Variants in SCMH1 observed in about 807,000 individuals in gnomAD.
SCMH1 encodes the protein polycomb protein SCMH1.
In SCMH1, 37 loss-of-function variants were observed where a neutral mutation model predicts 70.8. The observed-to-expected ratio is 0.52, with a 90% CI of 0.40 to 0.69. The LOEUF (loss-of-function observed/expected upper bound fraction) is 0.69, where lower values mean the gene tolerates loss of function less well. Ranked by LOEUF, SCMH1 falls within the 30% of genes least tolerant of loss-of-function variation. The pLI, the probability that SCMH1 is intolerant of heterozygous loss-of-function variation, is 0.00. For missense variants in SCMH1, 607 were observed against 827.3 expected, an observed-to-expected ratio of 0.73 and a Z score of 3.27; for synonymous variants, 292 against 307.4, an observed-to-expected ratio of 0.95 and a Z score of 0.52.
chr1:41,117,238 T>A (rs1014780167), intron 6 of SCMH1, among the ~76,000 whole-genome samples: 1 of 152,074 alleles, frequency 6.6e-6, no homozygotes, highest in Admixed American at 6.6e-5. Flanking sequence ...ATTCCAATAT[T>A]ATAATAATCC....
At chr1:41,070,763 T>C (rs749339740) in intron 9 of SCMH1, 42 bp from the exon 10 acceptor site, 23 of 1,609,666 alleles carry the variant, frequency 1.4e-5, no homozygotes, top group South Asian at 2.2e-5. Flanking sequence ...CCATGACAGG[T>C]CTTTTCATTC....
chr1:41,028,321 TG>T lies in SCMH1; in HGVS notation c.1822-3del, dbSNP rs1336743010. 7.2e-6 allele frequency: 8 copies of T among 1,118,100 alleles called. No homozygotes were observed. In the African/African-American group the frequency reaches 1.3e-4, roughly 18 times the overall value. The allele number at this position is 1,118,100 out of a possible 1,614,324, so 69.3% of individuals were successfully genotyped here. On this transcript the variant is annotated splice_polypyrimidine_tract_variant and splice_region_variant and intron_variant, in intron 14 of 14. Coordinates refer to ENST00000337495, the Ensembl canonical transcript of SCMH1. ...CAGCAGGGCCTTGCCATCGATCTCC[TG>T]GGGGGTGGGGAGGTGGGCAGAAGTG...
chr1:41,199,478 T>C (rs1170649957), intron 1 of SCMH1, among the ~76,000 whole-genome samples: 1 of 152,236 alleles, frequency 6.6e-6, no homozygotes, highest in African/African-American at 2.4e-5. Flanking sequence ...GGTAGGTGTT[T>C]TTATTACTTA....
At chr1:41,218,713 AT>A (rs1176497246) in intron 1 of SCMH1, among the ~76,000 whole-genome samples, 1 of 152,246 alleles carries the variant, frequency 6.6e-6, no homozygotes, top group African/African-American at 2.4e-5. Context: ...CAGGCATGGT[AT>A]TAAGTGCTTT....
chr1:41,098,141 A>G (rs1387401084), intron 8 of SCMH1, among the ~76,000 whole-genome samples: 1 of 152,170 alleles, frequency 6.6e-6, no homozygotes, highest in Admixed American at 6.5e-5. Flanking sequence ...TATATATTAT[A>G]TATTTCTGGG....
intron 1 of SCMH1, among the ~76,000 whole-genome samples, chr1:41,193,945 A>G (rs934403021): frequency 4.6e-5 from 7 of 152,198 alleles, no homozygotes; most frequent in Admixed American, 4.6e-4. Context: ...ATTATTTCCA[A>G]TGTTCATACA....
intron 1 of SCMH1, among the ~76,000 whole-genome samples, chr1:41,208,441 A>T (rs968391722): frequency 3.7e-5 from 5 of 135,002 alleles, no homozygotes; most frequent in African/African-American, 1.2e-4. Context: ...AAATTAAAAA[A>T]AAAAAATAAA....
chr1:41,236,803 A>C (rs970384487), intron 1 of SCMH1, among the ~76,000 whole-genome samples: 2 of 152,248 alleles, frequency 1.3e-5, no homozygotes, highest in Non-Finnish European at 2.9e-5. Context: ...AATAATGACA[A>C]GAAAAAAGTC....
At chr1:41,086,888 CA>C (rs369382154) in intron 8 of SCMH1, among the ~76,000 whole-genome samples, 90 of 126,760 alleles carry the variant, frequency 7.1e-4, no homozygotes, top group Middle Eastern at 4.1e-3. Flanking sequence ...AAAACAAAAC[CA>C]AAAAAAAAAA....
intron 2 of SCMH1, among the ~76,000 whole-genome samples, chr1:41,177,044 TC>T (rs1236375617): frequency 1.3e-5 from 2 of 152,100 alleles, no homozygotes; most frequent in Non-Finnish European, 2.9e-5. Flanking sequence ...AGACAAAACT[TC>T]CAGAGGAACG....
intron 8 of SCMH1, among the ~76,000 whole-genome samples, chr1:41,100,912 T>C (rs1414221215): frequency 6.6e-6 from 1 of 152,072 alleles, no homozygotes; most frequent in East Asian, 1.9e-4. Flanking sequence ...CATTTCACAC[T>C]AATGAGGCTG....
intron 4 of SCMH1, among the ~76,000 whole-genome samples, chr1:41,152,187 G>A (rs1645128929): frequency 6.6e-6 from 1 of 152,076 alleles, no homozygotes; most frequent in Non-Finnish European, 1.5e-5. Context: ...TGAGGGGAGG[G>A]GAAGCCAGAT....
At chr1:41,217,197 C>T (rs971566906) in intron 1 of SCMH1, among the ~76,000 whole-genome samples, 2 of 152,100 alleles carry the variant, frequency 1.3e-5, no homozygotes, top group Non-Finnish European at 2.9e-5. Context: ...TTATTGGACA[C>T]CTGGGGAAAG....
At chr1:41,159,576 T>C (rs1557695361) in intron 4 of SCMH1, 4 of 872,442 alleles carry the variant, frequency 4.6e-6, no homozygotes, top group Middle Eastern at 5.6e-4. Flanking sequence ...AACTGGTAAG[T>C]GGGAATAGGA....
intron 4 of SCMH1, among the ~76,000 whole-genome samples, chr1:41,154,583 G>A (rs898753573): frequency 7.9e-5 from 12 of 152,146 alleles, no homozygotes; most frequent in Non-Finnish European, 1.8e-4. Context: ...TCAGTCTAGA[G>A]ATAAACAGAG....
chr1:41,130,049 T>G (rs531282975), intron 6 of SCMH1, among the ~76,000 whole-genome samples: 1 of 152,316 alleles, frequency 6.6e-6, no homozygotes, highest in Non-Finnish European at 1.5e-5. Flanking sequence ...GTCATCTCAA[T>G]GCAGTTTTAA....
At chr1:41,185,308 C>T (rs1040857407) in intron 2 of SCMH1, among the ~76,000 whole-genome samples, 5 of 152,172 alleles carry the variant, frequency 3.3e-5, no homozygotes, top group African/African-American at 1.2e-4. Flanking sequence ...GTTATAACCT[C>T]CCTAGTAGCT....
rs369637138 is a variant in SCMH1 at position 41,028,720 on chromosome 1, T to C, written c.1685A>G (p.Asp562Gly). The change falls in exon 14 of 15, where the codon GAC becomes GGC. Residue 562 changes from aspartate (D) to glycine (G), a missense_variant. This residue lies in a region of SCMH1 where 430 missense variants were observed against 528.2 expected (regional missense o/e 0.81). Transcript: ENST00000337495. ...GGCATCGCGGCTCTCCAGGTATCGG[T>C]CCGACCCTGCAGGACAGGAGGGCAC... 39 of 1,613,778 alleles carry C rather than the reference T, an allele frequency of 2.4e-5. No homozygotes were observed. The highest frequency in any genetic ancestry group is 2.1e-4 in the African/African-American group (16 of 74,876).
intron 1 of SCMH1, among the ~76,000 whole-genome samples, chr1:41,238,513 C>T (rs1338472690): frequency 6.6e-6 from 1 of 152,118 alleles, no homozygotes; most frequent in Non-Finnish European, 1.5e-5. Flanking sequence ...CTCTCTACCC[C>T]ACCTCCTCAT....
Sources: allele counts gnomAD v4.1 joint callset (sites outside exome capture counted in the v4.1 genomes callset), GRCh38; gene constraint gnomAD v4.1.1; regional missense constraint gnomAD v4.1.1; transcripts MANE v1.5; gene names NCBI Gene and HGNC (gene_info 2026-07-23, HGNC 2026-07-21).